Variants in PCSK6 observed in about 807,000 individuals in gnomAD.
PCSK6 encodes the protein paired basic amino acid cleaving enzyme 4.
PCSK6 carries 85 observed loss-of-function variants against 123.3 expected under a neutral mutation model. The observed-to-expected ratio is 0.69, with a 90% CI of 0.58 to 0.83. The LOEUF is 0.83. Ranked by LOEUF, PCSK6 falls within the 40% of genes least tolerant of loss-of-function variation. The probability of loss-of-function intolerance (pLI) is 0.00; values close to 1 mark genes in which losing one functional copy is unlikely to be tolerated. For missense variants in PCSK6, 1,191 were observed against 1,282.3 expected, an observed-to-expected ratio of 0.93 and a Z score of 1.09; for synonymous variants, 508 against 516.0, an observed-to-expected ratio of 0.98 and a Z score of 0.21.
chr15:101,372,421 TGTAA>T (rs1443482455), intron 11 of PCSK6, among the ~76,000 whole-genome samples: 4 of 152,356 alleles, frequency 2.6e-5, no homozygotes, highest in Non-Finnish European at 4.4e-5. Flanking sequence ...TCGGAGACTC[TGTAA>T]GTATTTGAAA....
At chr15:101,346,163 T>G (rs2040723089) in intron 13 of PCSK6, among the ~76,000 whole-genome samples, 1 of 152,234 alleles carries the variant, frequency 6.6e-6, no homozygotes, top group Non-Finnish European at 1.5e-5. Flanking sequence ...CAGGCATATT[T>G]GTGGTTTCCA....
chr15:101,386,507 C>G (rs1346995171), intron 9 of PCSK6, among the ~76,000 whole-genome samples: 1 of 152,242 alleles, frequency 6.6e-6, no homozygotes, highest in Non-Finnish European at 1.5e-5. Context: ...ACGGGACACT[C>G]AGTCCCCATC....
At chr15:101,474,629 T>TC (rs1214906205) in intron 1 of PCSK6, among the ~76,000 whole-genome samples, 1 of 152,132 alleles carries the variant, frequency 6.6e-6, no homozygotes, top group Non-Finnish European at 1.5e-5. Flanking sequence ...CTGATTTTTC[T>TC]CCCTCCACCT....
At chr15:101,420,726 A>C (rs2056057654) in intron 6 of PCSK6, among the ~76,000 whole-genome samples, 2 of 152,246 alleles carry the variant, frequency 1.3e-5, no homozygotes, top group Non-Finnish European at 2.9e-5. Context: ...CAAATCATCA[A>C]TGTACAGCTT....
intron 16 of PCSK6, among the ~76,000 whole-genome samples, chr15:101,325,869 C>T (rs1370283769): frequency 6.6e-6 from 1 of 152,208 alleles, no homozygotes; most frequent in Non-Finnish European, 1.5e-5. Flanking sequence ...TCCTGATATC[C>T]TCCCTTGGGG....
intron 1 of PCSK6, among the ~76,000 whole-genome samples, chr15:101,480,146 G>A (rs9920199): frequency 0.022 from 3,366 of 152,318 alleles, 137 homozygotes; most frequent in African/African-American, 0.075. Context: ...AGCTTCGGTA[G>A]TCTGCTCCAT....
intron 16 of PCSK6, among the ~76,000 whole-genome samples, chr15:101,325,845 T>C (rs2040240422): frequency 6.6e-6 from 1 of 152,132 alleles, no homozygotes; most frequent in Non-Finnish European, 1.5e-5. Context: ...ATACGTGGGG[T>C]CCCAGGTCAG....
intron 6 of PCSK6, among the ~76,000 whole-genome samples, chr15:101,413,504 T>C (rs1286093955): frequency 1.3e-5 from 2 of 151,034 alleles, no homozygotes; most frequent in Admixed American, 6.6e-5. Flanking sequence ...AGGAAAATAA[T>C]AGAGAAGTTA....
At chr15:101,464,124 A>G (rs547108316) in intron 1 of PCSK6, among the ~76,000 whole-genome samples, 3,691 of 152,196 alleles carry the variant, frequency 0.024, 166 homozygotes, top group African/African-American at 0.083. Context: ...AGGAGGAAAC[A>G]GGCCTCCTCT....
At chr15:101,364,368 A>G (rs1340162957) in intron 13 of PCSK6, among the ~76,000 whole-genome samples, 1 of 152,242 alleles carries the variant, frequency 6.6e-6, no homozygotes, top group East Asian at 1.9e-4. Flanking sequence ...GTAACTACAA[A>G]ATAAGATGTG....
In PCSK6 at chr15:101,404,038, G is replaced by A. The variant is rs1468932999; in HGVS notation, c.824-5462C>T. Among the ~76,000 whole-genome samples the A allele has an allele frequency of 3.3e-5, 5 of 152,326 alleles. No homozygotes were observed. In the South Asian group the frequency reaches 1.0e-3, roughly 32 times the overall value. ...TGTATATATGCTTAAGTGATACATTGTTTAATTTTGCTTGTACTGAGAATT... is the reference window on the plus strand; with the variant it reads ...TGTATATATGCTTAAGTGATACATTATTTAATTTTGCTTGTACTGAGAATT... On this transcript the variant is annotated intron_variant, in intron 6 of 21. Transcript: ENST00000611716.
intron 10 of PCSK6, among the ~76,000 whole-genome samples, chr15:101,382,624 A>G (rs1002111816): frequency 3.3e-5 from 5 of 152,184 alleles, no homozygotes; most frequent in African/African-American, 1.2e-4. Flanking sequence ...CACGTGCCCG[A>G]AATGCAATAA....
chr15:101,331,542 G>T (rs2040370453), intron 15 of PCSK6, 109 bp downstream of exon 15: 6 of 962,206 alleles, frequency 6.2e-6, no homozygotes, highest in Non-Finnish European at 9.9e-6. Flanking sequence ...GGTGCTCCTA[G>T]AAGTGGCTAA....
intron 7 of PCSK6, among the ~76,000 whole-genome samples, chr15:101,394,137 G>GTTTTTTTTTTTTTTTTT (rs1444048837): frequency 1.1e-5 from 1 of 89,572 alleles, no homozygotes. Context: ...CCGTTTTTTT[G>GTTTTTTTTTTTTTTTTT]TTTTTTGTTT....
intron 1 of PCSK6, among the ~76,000 whole-genome samples, chr15:101,474,769 A>C (rs2057689465): frequency 6.6e-6 from 1 of 152,128 alleles, no homozygotes; most frequent in African/African-American, 2.4e-5. Context: ...ACTCAGCTCC[A>C]GCTCCCACAG....
chr15:101,465,879 C>G (rs1023377504), intron 1 of PCSK6, among the ~76,000 whole-genome samples: 4 of 151,900 alleles, frequency 2.6e-5, no homozygotes, highest in Non-Finnish European at 5.9e-5. Flanking sequence ...CTAAAAGGCT[C>G]AATGAAAACC....
chr15:101,332,119 C>A (rs1171436779), intron 13 of PCSK6, 88 bp from the exon 14 acceptor site: 10 of 1,241,024 alleles, frequency 8.1e-6, no homozygotes, highest in Non-Finnish European at 9.9e-6. Context: ...CTGGCTCCTC[C>A]CCTGATAGCT....
intron 13 of PCSK6, among the ~76,000 whole-genome samples, chr15:101,340,690 C>T (rs1019141985): frequency 1.3e-5 from 2 of 152,126 alleles, no homozygotes; most frequent in Non-Finnish European, 2.9e-5. Flanking sequence ...AGACATTGTC[C>T]AGTGATGTCT....
chr15:101,393,512 A>C, intron 7 of PCSK6, 88 bp from the exon 8 acceptor site: 6 of 961,064 alleles, frequency 6.2e-6, no homozygotes, highest in Non-Finnish European at 9.2e-6. Flanking sequence ...CATCTCCCAA[A>C]TGTTCCTTCA....
Sources: gnomAD v4.1 joint callset for allele counts (sites outside exome capture counted in the v4.1 genomes callset) on GRCh38, gnomAD v4.1.1 for gene constraint, MANE v1.5 for transcripts, NCBI Gene and HGNC (gene_info 2026-07-23, HGNC 2026-07-21) for gene names.